TTC1: variants seen among roughly 807,000 people sequenced by gnomAD.
TTC1 encodes tetratricopeptide repeat domain 1, also known as tetratricopeptide repeat protein 1.
TTC1 carries 31 observed loss-of-function variants against 37.6 expected under a neutral mutation model. That is an observed-to-expected ratio of 0.82 (90% confidence interval 0.62 to 1.11). The LOEUF is 1.11. Among genes scored for constraint, TTC1 ranks in the 50% most tolerant of loss-of-function variants. TTC1 has a pLI of 0.00. For synonymous variants in TTC1, 127 were observed against 122.4 expected, an observed-to-expected ratio of 1.04 and a Z score of -0.25; for missense variants, 351 against 339.0, an observed-to-expected ratio of 1.04 and a Z score of -0.28.
intron 5 of TTC1, among the ~76,000 whole-genome samples, chr5:160,046,008 T>C (rs536729680): frequency 1.3e-4 from 20 of 152,168 alleles, no homozygotes; most frequent in Non-Finnish European, 2.2e-4. Context: ...CCCAAAGTGC[T>C]GAGATTACAG....
At chr5:160,058,555 T>G in intron 7 of TTC1, among the ~76,000 whole-genome samples, 1 of 151,812 alleles carries the variant, frequency 6.6e-6, no homozygotes, top group Non-Finnish European at 1.5e-5. Flanking sequence ...GGACTACAGG[T>G]GCCCACCACC....
At chr5:160,041,827 C>G (rs1161535259) in intron 4 of TTC1, among the ~76,000 whole-genome samples, 1 of 152,182 alleles carries the variant, frequency 6.6e-6, no homozygotes, top group African/African-American at 2.4e-5. Flanking sequence ...TGACTGTATA[C>G]AATTCTGTGG....
At chr5:160,049,710 G>T in intron 6 of TTC1, 48 bp downstream of exon 6, 1 of 1,396,754 alleles carries the variant, frequency 7.2e-7, no homozygotes, top group Non-Finnish European at 9.5e-7. Flanking sequence ...TCTTTGTGTT[G>T]CTACCCAGTG....
intron 7 of TTC1, among the ~76,000 whole-genome samples, chr5:160,053,364 C>T (rs1224359217): frequency 1.3e-5 from 2 of 151,928 alleles, no homozygotes; most frequent in Admixed American, 6.6e-5. Context: ...AGGCTGAGCC[C>T]GAGTTCAAGA....
At position 160,035,106 on chromosome 5, in the gene TTC1, G is replaced by T. The variant is rs750668560; in HGVS notation, c.331-34G>T. On this transcript the variant is annotated intron_variant, in intron 2 of 7. Transcript: ENST00000231238. ...CTTTTTGTTCACTTATAATAATATT[G>T]TGAGAAATTATGTAATTCTCTGATG... 2.4e-5 allele frequency: 37 copies of T among 1,552,242 alleles called. No homozygotes were observed. In the Admixed American group the frequency reaches 7.4e-4, roughly 31 times the overall value.
At position 160,064,888 on chromosome 5, in the gene TTC1, T is replaced by C. The variant is rs751587051; in HGVS notation, c.746-44T>C. On this transcript the variant is annotated intron_variant, in intron 7 of 7. Transcript: ENST00000231238. ...AGATTAATTGGTACCTTCCTGCTTC[T>C]GTTCATTCCTGTATTCATTTGAGTT... 4 of 1,582,834 alleles carry C rather than the reference T, an allele frequency of 2.5e-6. No homozygotes were observed. In the South Asian group the frequency reaches 3.5e-5, roughly 14 times the overall value.
At chr5:160,042,963 G>T (rs1757126853) in intron 4 of TTC1, among the ~76,000 whole-genome samples, 170 bp from the exon 5 acceptor site, 2 of 152,132 alleles carry the variant, frequency 1.3e-5, no homozygotes, top group Non-Finnish European at 2.9e-5. Context: ...CCATCCCCGT[G>T]TTAATTTTGA....
At chr5:160,019,172 C>A (rs1436581804) in intron 2 of TTC1, among the ~76,000 whole-genome samples, 1 of 152,102 alleles carries the variant, frequency 6.6e-6, no homozygotes, top group Non-Finnish European at 1.5e-5. Context: ...CATAAGGGAT[C>A]CAAAAGTCTG....
At chr5:160,011,816 GC>G (rs1756506590) in intron 2 of TTC1, among the ~76,000 whole-genome samples, 2 of 152,144 alleles carry the variant, frequency 1.3e-5, no homozygotes, top group Admixed American at 1.3e-4. Context: ...TGTAGTTTAT[GC>G]CACTAAGGAG....
intron 5 of TTC1, among the ~76,000 whole-genome samples, chr5:160,045,511 CA>C (rs1757205615): frequency 3.2e-5 from 2 of 62,668 alleles, no homozygotes; most frequent in Non-Finnish European, 3.1e-5. Flanking sequence ...CACACACACA[CA>C]CATACACACT....
chr5:160,058,474 G>A (rs753929345), intron 7 of TTC1, among the ~76,000 whole-genome samples: 2 of 148,922 alleles, frequency 1.3e-5, no homozygotes, highest in Non-Finnish European at 3.0e-5. Context: ...GCAGTGGTGC[G>A]ATCTCGGCTC....
intron 7 of TTC1, 79 bp from the exon 8 acceptor site, chr5:160,064,853 T>C: frequency 6.9e-7 from 1 of 1,439,810 alleles, no homozygotes; most frequent in South Asian, 1.3e-5. Flanking sequence ...TTGTACTCAG[T>C]GGTAAGGCAA....
chr5:160,055,285 A>G (rs990869683), intron 7 of TTC1, among the ~76,000 whole-genome samples: 2 of 152,342 alleles, frequency 1.3e-5, no homozygotes, highest in East Asian at 3.9e-4. Flanking sequence ...TTGATCTGTC[A>G]TCTCAGCTTA....
intron 2 of TTC1, among the ~76,000 whole-genome samples, chr5:160,023,179 C>T (rs965724925): frequency 6.6e-6 from 1 of 151,890 alleles, no homozygotes; most frequent in Non-Finnish European, 1.5e-5. Context: ...TCACTTGAAC[C>T]CGGTAGGCGG....
chr5:160,029,185 AT>A (rs1756862667), intron 2 of TTC1, among the ~76,000 whole-genome samples: 1 of 152,068 alleles, frequency 6.6e-6, no homozygotes, highest in Non-Finnish European at 1.5e-5. Context: ...GGGTTGTTGG[AT>A]TTCACTTGTA....
rs183535864 is a variant in TTC1, at chr5:160,046,826, T to G, written c.542-2688T>G. 1.6e-3 allele frequency among the ~76,000 whole-genome samples: 237 copies of G among 152,134 alleles called. 3 individuals are homozygous for G. Among genetic ancestry groups the G allele is most frequent in the African/African-American group, 5.5e-3 (229 of 41,522 alleles). ...CAGGAGTTTGAGACCAGCCTGATCA[T>G]TATGGTGAAACCCTGTCTCTACTAA... On this transcript the variant is annotated intron_variant, in intron 5 of 7. Coordinates refer to ENST00000231238, the MANE Select transcript of TTC1 (RefSeq NM_003314.3).
At chr5:160,031,101 T>A (rs1202220703) in intron 2 of TTC1, among the ~76,000 whole-genome samples, 4 of 152,242 alleles carry the variant, frequency 2.6e-5, no homozygotes, top group Non-Finnish European at 4.4e-5. Context: ...GTCTTTGTAC[T>A]GGGATCATCA....
intron 2 of TTC1, among the ~76,000 whole-genome samples, chr5:160,024,967 G>T (rs553780259): frequency 6.6e-6 from 1 of 152,296 alleles, no homozygotes; most frequent in South Asian, 2.1e-4. Flanking sequence ...CTCCAGAGTA[G>T]CTGGGACTGC....
At position 160,026,789 on chromosome 5, in the gene TTC1, T is replaced by C. The variant is rs537045661; in HGVS notation, c.331-8351T>C. ...AGTTGTTTAGTCCATTCATATTTTA[T>C]CTGCTTGTTGATATGTTTGGATTTA... On this transcript the variant is annotated intron_variant, in intron 2 of 7. Coordinates refer to ENST00000231238, the MANE Select transcript of TTC1 (RefSeq NM_003314.3). 6.6e-5 allele frequency among the ~76,000 whole-genome samples: 10 copies of C among 152,336 alleles called. No individual in the cohort carries two copies. The South Asian group carries it at 2.1e-3, about 32-fold the overall frequency.
Sources: gnomAD v4.1 joint callset for allele counts (sites outside exome capture counted in the v4.1 genomes callset) on GRCh38, gnomAD v4.1.1 for gene constraint, MANE v1.5 for transcripts, NCBI Gene and HGNC (gene_info 2026-07-23, HGNC 2026-07-21) for gene names.